The following SKP2 variants were observed in gnomAD, a reference collection of about 807,000 sequenced individuals.
SKP2 encodes S-phase kinase-associated protein 2.
A neutral mutation model predicts 51.8 loss-of-function variants in SKP2; 16 were observed. The ratio of observed to expected loss-of-function variants is 0.31; its 90% CI spans 0.21 to 0.47. SKP2 has a LOEUF of 0.47. Ranked by LOEUF, SKP2 falls within the 20% of genes least tolerant of loss-of-function variation. The pLI is 1.00. For missense variants in SKP2, 377 were observed against 505.3 expected (o/e 0.75, Z 2.43); for synonymous variants, 176 against 198.6 (o/e 0.89, Z 0.96).
chr5:36,170,549 G>C, intron 6 of SKP2, 107 bp downstream of exon 6: 1 of 652,110 alleles, frequency 1.5e-6, no homozygotes, highest in Non-Finnish European at 2.6e-6. Context: ...GTACTTTCCA[G>C]GCTCTTGATT....
rs375582976 is a variant in SKP2, at chr5:36,171,745, C to T, written c.901+12C>T. ...TCTCCAGAAATCAGGTTAGAGCTTC[C>T]AAGCCTGGACCACTGAGGCCTTCAC... is the stretch of plus-strand genomic sequence containing the variant. On this transcript the variant is annotated intron_variant, in intron 7 of 9. Coordinates refer to ENST00000274255, the MANE Select transcript of SKP2 (RefSeq NM_005983.4). 6.2e-6 allele frequency: 10 copies of T among 1,613,230 alleles called. No homozygotes were observed. The highest frequency in any genetic ancestry group is 2.7e-5 in the African/African-American group (2 of 74,992).
chr5:36,164,723 C>CACCA (rs1312492334), intron 3 of SKP2, among the ~76,000 whole-genome samples: 1 of 152,238 alleles, frequency 6.6e-6, no homozygotes, highest in Non-Finnish European at 1.5e-5. Flanking sequence ...TCACCGCACT[C>CACCA]AACCCCACTT....
At chr5:36,161,937 A>C (rs1387060818) in intron 2 of SKP2, among the ~76,000 whole-genome samples, 2 of 152,198 alleles carry the variant, frequency 1.3e-5, no homozygotes, top group Non-Finnish European at 2.9e-5. Context: ...TTCATTGTGC[A>C]TTTATTTCCT....
chr5:36,190,363 C>T (rs1340808424), intron 6 of SKP2, among the ~76,000 whole-genome samples: 2 of 152,148 alleles, frequency 1.3e-5, no homozygotes, highest in Non-Finnish European at 2.9e-5. Context: ...CTTGGAACCA[C>T]CTCACCAGGC....
chr5:36,167,854 G>A (rs749441908), intron 4 of SKP2, among the ~76,000 whole-genome samples: 8 of 152,058 alleles, frequency 5.3e-5, no homozygotes, highest in South Asian at 4.1e-4. Context: ...TCCTGACATC[G>A]TGATCCACTG....
intron 2 of SKP2, among the ~76,000 whole-genome samples, chr5:36,154,047 C>G (rs1268483418): frequency 6.6e-6 from 1 of 152,210 alleles, no homozygotes; most frequent in East Asian, 1.9e-4. Context: ...TCTCAGGGAG[C>G]ATCCATTCTA....
At chr5:36,152,317 A>G (rs770720128) in intron 1 of SKP2, 47 bp downstream of exon 1, 6 of 1,581,344 alleles carry the variant, frequency 3.8e-6, no homozygotes, top group Non-Finnish European at 5.2e-6. Flanking sequence ...GACCCTCTTA[A>G]TAATTCTTTT....
intron 2 of SKP2, among the ~76,000 whole-genome samples, chr5:36,161,759 A>G (rs190842202): frequency 6.6e-6 from 1 of 152,272 alleles, no homozygotes; most frequent in African/African-American, 2.4e-5. Flanking sequence ...TGTGTCCTCA[A>G]ACCCACTTAT....
At chr5:36,190,550 C>A (rs969139436) in intron 6 of SKP2, among the ~76,000 whole-genome samples, 2 of 152,026 alleles carry the variant, frequency 1.3e-5, no homozygotes, top group Non-Finnish European at 2.9e-5. Flanking sequence ...TGCCCAGAGG[C>A]CTTCCAGGAA....
chr5:36,190,035 T>A (rs575754223), intron 6 of SKP2, among the ~76,000 whole-genome samples: 17 of 152,256 alleles, frequency 1.1e-4, no homozygotes, highest in Admixed American at 4.6e-4. Flanking sequence ...CGGGATATAA[T>A]CTCCTGGTGT....
At chr5:36,188,144 C>T (rs1256404115), downstream of SKP2, among the ~76,000 whole-genome samples, 1 of 152,112 alleles carries the variant, frequency 6.6e-6, no homozygotes, top group Non-Finnish European at 1.5e-5. Context: ...TGAGATGGGT[C>T]TCCTGAATAG....
rs755128295 is a variant in SKP2, at chr5:36,163,953, A to G, written c.392+197A>G. Among the ~76,000 whole-genome samples the G allele has an allele frequency of 4.4e-4, 67 of 152,282 alleles. 1 individual carries two copies. Among genetic ancestry groups the G allele is most frequent in the Non-Finnish European group, 4.3e-4 (29 of 68,016 alleles). On this transcript the variant is annotated intron_variant, in intron 3 of 9. Coordinates refer to ENST00000274255, the MANE Select transcript of SKP2 (RefSeq NM_005983.4). ...ATTTCCTGGGAGGGATAAACTTACC[A>G]ATGTCTGGAAACCTCTTTGCCCTGT...
intron 5 of SKP2, among the ~76,000 whole-genome samples, chr5:36,168,741 G>T (rs1001322010): frequency 1.3e-5 from 2 of 152,224 alleles, no homozygotes; most frequent in African/African-American, 4.8e-5. Flanking sequence ...CACCTTGTTA[G>T]TGAATGCTGG....
At chr5:36,166,755 A>G (rs948019962) in intron 4 of SKP2, 93 bp downstream of exon 4, 28 of 1,134,058 alleles carry the variant, frequency 2.5e-5, no homozygotes, top group Non-Finnish European at 3.4e-5. Context: ...CTTCAGCCTT[A>G]AAGCCTATGG....
chr5:36,180,993 A>T (rs1363739298), intron 9 of SKP2, among the ~76,000 whole-genome samples: 1 of 152,172 alleles, frequency 6.6e-6, no homozygotes, highest in Non-Finnish European at 1.5e-5. Flanking sequence ...AGAAGGAAAA[A>T]ATCATTACCA....
At chr5:36,184,523 TG>T (rs1745921805), downstream of SKP2, among the ~76,000 whole-genome samples, 1 of 152,192 alleles carries the variant, frequency 6.6e-6, no homozygotes, top group African/African-American at 2.4e-5. Context: ...TTGGTTTTTT[TG>T]TCCTTACGGT....
chr5:36,173,391 A>T (rs1745534441), intron 7 of SKP2, among the ~76,000 whole-genome samples: 1 of 152,136 alleles, frequency 6.6e-6, no homozygotes, highest in African/African-American at 2.4e-5. Context: ...ATTTTCCTCC[A>T]AGAAGTTTAA....
chr5:36,152,650 C>T (rs1280387923), intron 1 of SKP2, 121 bp from the exon 2 acceptor site: 4 of 1,053,812 alleles, frequency 3.8e-6, no homozygotes, highest in Non-Finnish European at 5.5e-6. Context: ...ATAAAAAATG[C>T]GATTCTGTTA....
At chr5:36,175,571 C>A (rs919604826) in intron 7 of SKP2, among the ~76,000 whole-genome samples, 6 of 151,948 alleles carry the variant, frequency 3.9e-5, no homozygotes, top group Non-Finnish European at 8.8e-5. Flanking sequence ...ATCCAAACAC[C>A]CTTGAATACT....
Sources: gnomAD v4.1 joint callset for allele counts (sites outside exome capture counted in the v4.1 genomes callset) on GRCh38, gnomAD v4.1.1 for gene constraint, MANE v1.5 for transcripts, NCBI Gene and HGNC (gene_info 2026-07-23, HGNC 2026-07-21) for gene names.